Variants in DVL1 observed in about 807,000 individuals in gnomAD.
DVL1 encodes segment polarity protein dishevelled homolog DVL-1.
In DVL1, 49 loss-of-function variants were observed where a neutral mutation model predicts 65.0. The observed-to-expected ratio is 0.75, with a 90% CI of 0.60 to 0.96. DVL1 has a LOEUF of 0.96. Ranked by LOEUF, DVL1 falls within the 40% of genes least tolerant of loss-of-function variation. The pLI, the probability that DVL1 is intolerant of heterozygous loss-of-function variation, is 0.00. For missense variants in DVL1, 1,197 were observed against 1,045.4 expected (o/e 1.15, Z -2.00); for synonymous variants, 608 against 433.9 (o/e 1.40, Z -4.99).
At chr1:1,339,671 A>G (rs1282129039) in intron 9 of DVL1, 22 bp from the exon 10 acceptor site, 1 of 1,612,064 alleles carries the variant, frequency 6.2e-7, no homozygotes, top group Non-Finnish European at 8.5e-7. Flanking sequence ...GTGGTCACAC[A>G]GCAAGGCCCC....
intron 1 of DVL1, among the ~76,000 whole-genome samples, chr1:1,347,632 G>A (rs528188817): frequency 6.6e-6 from 1 of 152,178 alleles, no homozygotes; most frequent in Non-Finnish European, 1.5e-5. Flanking sequence ...AAAAACAAAA[G>A]TACCTGACAC....
chr1:1,339,650 C>G lies in DVL1; in HGVS notation c.987-1G>C. 1 of 1,611,316 alleles carries G rather than the reference C, an allele frequency of 6.2e-7. No individual in the cohort carries two copies. Among genetic ancestry groups the G allele is most frequent in the Non-Finnish European group, 8.5e-7 (1 of 1,178,792 alleles). On this transcript the variant is annotated splice_acceptor_variant, in intron 9 of 14. Coordinates refer to ENST00000378888, the MANE Select transcript of DVL1 (RefSeq NM_001330311.2). LOFTEE classifies it high-confidence loss of function. The stretch of plus-strand genomic sequence containing the variant: ...CTTGGCCACAGTGAGGCTGATGGGC[C>G]TGCAGGAACGGTGGTCACACAGCAA...
At chr1:1,346,116 G>T (rs982234865) in intron 1 of DVL1, among the ~76,000 whole-genome samples, 5 of 152,150 alleles carry the variant, frequency 3.3e-5, no homozygotes, top group Admixed American at 2.6e-4. Context: ...AAGTGGCACA[G>T]CCAGGGAGGG....
intron 5 of DVL1, among the ~76,000 whole-genome samples, chr1:1,341,095 A>G (rs1057116556): frequency 6.8e-6 from 1 of 147,016 alleles, no homozygotes; most frequent in Non-Finnish European, 1.5e-5. Context: ...ACACAGGCAC[A>G]CCTGCACACA....
At chr1:1,343,861 G>A (rs1280170778) in intron 1 of DVL1, among the ~76,000 whole-genome samples, 1 of 152,234 alleles carries the variant, frequency 6.6e-6, no homozygotes, top group Admixed American at 6.5e-5. Flanking sequence ...AGCAGGGGAT[G>A]CGGAGCCGGC....
chr1:1,335,436 G>C lies in DVL1; in HGVS notation c.*706C>G, dbSNP rs1174168234. 6.5e-6 allele frequency: 1 copy of C among 153,676 alleles called. No homozygotes were observed. Among genetic ancestry groups the C allele is most frequent in the East Asian group, 1.9e-4 (1 of 5,202 alleles). 9.5% of individuals were successfully genotyped at this position (153,676 alleles called of 1,614,324 possible). On this transcript the variant is annotated 3_prime_UTR_variant, in exon 15 of 15. Coordinates refer to ENST00000378888, the MANE Select transcript of DVL1 (RefSeq NM_001330311.2). The stretch of plus-strand genomic sequence containing the variant: ...AGGAAGGCCGCGATGTGTGCGCGCA[G>C]TGTGTGCACTCACCAAGGACGGGCC...
Position 1,336,003 on chromosome 1 carries a change from A to G in DVL1, c.*139T>C. The G allele has an allele frequency of 8.5e-7, 1 of 1,180,896 alleles. No homozygotes were observed. Among genetic ancestry groups the G allele is most frequent in the Non-Finnish European group, 1.2e-6 (1 of 856,076 alleles). The allele number at this position is 1,180,896 out of a possible 1,614,324, so 73.2% of individuals were successfully genotyped here. ...CAGGAGCTGGAGCAGCCAGGCTGCC[A>G]GGGCAGATGGTGGTGGTCCAGCCTG... On this transcript the variant is annotated 3_prime_UTR_variant, in exon 15 of 15. Transcript: ENST00000378888.
At position 1,338,322 on chromosome 1, in the gene DVL1, T is replaced by G. The variant is rs780909370; in HGVS notation, c.1454A>C (p.Asn485Thr). The G allele has an allele frequency of 6.2e-7, 1 of 1,612,352 alleles. No homozygotes were observed. Among genetic ancestry groups the G allele is most frequent in the Non-Finnish European group, 8.5e-7 (1 of 1,179,700 alleles). ...LKHGFLRHTV[N>T]KITFSEQCYY... ...GCACTGCTCGGAGAAGGTGATCTTG[T>G]TGACCGTGTGCCGCAGGAAGCCGTG... Residue 485 changes from asparagine to threonine, a missense_variant, in exon 13 of 15, where the codon AAC becomes ACC. Transcript: ENST00000378888.
intron 1 of DVL1, among the ~76,000 whole-genome samples, chr1:1,344,300 G>A (rs931599724): frequency 1.3e-5 from 2 of 152,206 alleles, no homozygotes; most frequent in African/African-American, 4.8e-5. Context: ...CGGCCTTGTG[G>A]CTGCTAGTCC....
rs752206428 is a variant in DVL1 at position 1,340,427 on chromosome 1, G to A, written c.682C>T (p.Leu228Phe). ...KHKRRRRKQR[L>F]RQADRASSFS... ...CTGCCTACCCGGTCCGCCTGCCGAA[G>A]GCGCTGCTTCCTCCGCCGGCGTTTG... is the stretch of plus-strand genomic sequence containing the variant. Residue 228 changes from leucine (L) to phenylalanine (F), a missense_variant, in exon 6 of 15, where the codon CTT (leucine) becomes TTT (phenylalanine). Transcript: ENST00000378888. 2 of 1,612,654 alleles carry A rather than the reference G, an allele frequency of 1.2e-6. No individual in the cohort carries two copies. The highest frequency in any genetic ancestry group is 1.7e-6 in the Non-Finnish European group (2 of 1,179,554).
chr1:1,339,485 G>T, intron 10 of DVL1, 46 bp from the exon 11 acceptor site: 1 of 1,543,662 alleles, frequency 6.5e-7, no homozygotes, highest in Non-Finnish European at 8.7e-7. Context: ...GATGGACAGG[G>T]TGGGAGGGCA....
At chr1:1,338,229 T>G in intron 13 of DVL1, 40 bp downstream of exon 13, 15 of 1,522,204 alleles carry the variant, frequency 9.9e-6, no homozygotes, top group Non-Finnish European at 1.3e-5. Flanking sequence ...CCTCCGGCGT[T>G]CCCCTCCCCC....
chr1:1,339,237 C>T lies in DVL1; in HGVS notation c.1207+50G>A, dbSNP rs747065422. The stretch of plus-strand genomic sequence containing the variant: ...GCCATGCTGGAGGCTGGCAGAGACG[C>T]CCCCTCCAAGCCTCGGTTTCTGCTG... On this transcript the variant is annotated intron_variant, in intron 11 of 14. Transcript: ENST00000378888. 9.1e-6 allele frequency: 14 copies of T among 1,546,754 alleles called. No individual in the cohort carries two copies. In the South Asian group the frequency reaches 1.3e-4, roughly 14 times the overall value.
chr1:1,339,333 C>T lies in DVL1; in HGVS notation c.1161G>A (p.Thr387=), dbSNP rs895740505. 3.7e-5 allele frequency: 58 copies of T among 1,548,516 alleles called. 1 individual carries two copies. The highest frequency in any genetic ancestry group is 4.3e-5 in the Non-Finnish European group (49 of 1,146,900). Reference sequence around the variant, plus strand: ...TGGTTAGTGAGGAGGAGCTGGTGCGCGTGACGGCGCTGGAGCAGGGACTCG... The same window carrying T: ...TGGTTAGTGAGGAGGAGCTGGTGCGTGTGACGGCGCTGGAGCAGGGACTCG... The part of the protein sequence containing the change: ...YGTSPCSSAV[T]RTSSSSLTSS... Residue 387 remains threonine, a synonymous_variant, in exon 11 of 15, where the codon ACG becomes ACA. Coordinates refer to ENST00000378888, the MANE Select transcript of DVL1 (RefSeq NM_001330311.2).
chr1:1,349,031 T>A lies in DVL1; in HGVS notation c.35A>T (p.Glu12Val). 1.3e-6 allele frequency: 2 copies of A among 1,560,344 alleles called. No homozygotes were observed. The highest frequency in any genetic ancestry group is 1.7e-6 in the Non-Finnish European group (2 of 1,150,114). Residue 12 changes from glutamate to valine, a missense_variant, in exon 1 of 15, where the codon GAG (glutamate) becomes GTG (valine). Transcript: ENST00000378888. This position sits in a 1 kb window ranked among gnomAD's most constrained non-coding sequence, Gnocchi z 4.1. ...AETKIIYHMD[E>V]EETPYLVKLP... The stretch of plus-strand genomic sequence containing the variant: ...CTTGACCAGGTACGGCGTCTCCTCC[T>A]CGTCCATGTGGTAGATAATCTTGGT...
chr1:1,342,613 AC>A, intron 2 of DVL1, 75 bp downstream of exon 2: 2 of 1,588,016 alleles, frequency 1.3e-6, no homozygotes, highest in Non-Finnish European at 1.7e-6. Flanking sequence ...CCCCACACCC[AC>A]CGCCTCCCCC....
At chr1:1,342,312 C>T (rs1342981879) in intron 3 of DVL1, 51 bp downstream of exon 3, 2 of 1,519,192 alleles carry the variant, frequency 1.3e-6, no homozygotes, top group South Asian at 1.2e-5. Context: ...TGGCCAGCAA[C>T]CCCCATGACA....
Position 1,342,906 on chromosome 1 carries a change from C to A in DVL1, c.171-148G>T, listed in dbSNP as rs1438634254. ...AGCGCATTCTCCTCTTGGGAACCGTCCTTCCTCTCCGTCACATCCTGGGCC... is the reference window on the plus strand; with the variant it reads ...AGCGCATTCTCCTCTTGGGAACCGTACTTCCTCTCCGTCACATCCTGGGCC... On this transcript the variant is annotated intron_variant, in intron 1 of 14. Coordinates refer to ENST00000378888, the MANE Select transcript of DVL1 (RefSeq NM_001330311.2). 4.1e-6 allele frequency: 3 copies of A among 728,602 alleles called. No homozygotes were observed. In the East Asian group the frequency reaches 8.3e-5, roughly 20 times the overall value. The allele number at this position is 728,602 out of a possible 1,614,324, so 45.1% of individuals were successfully genotyped here.
chr1:1,338,022 C>G lies in DVL1; in HGVS notation c.1669G>C (p.Gly557Arg), dbSNP rs144724672. ...GTGCTGCCGCTGCCATAGCTAAAGCCCGGGTCCTGGTAGGCAGGCGGGAAG... is the reference window on the plus strand; with the variant it reads ...GTGCTGCCGCTGCCATAGCTAAAGCGCGGGTCCTGGTAGGCAGGCGGGAAG... Reference protein sequence around the residue: ...PCFPPAYQDPGFSYGSGSTGS... With the variant: ...PCFPPAYQDPRFSYGSGSTGS... Residue 557 changes from glycine (G) to arginine (R), a missense_variant, in exon 14 of 15, where the codon GGC (glycine) becomes CGC (arginine). By Grantham distance (125) the Gly-to-Arg change is moderately radical. Transcript: ENST00000378888. The G allele has an allele frequency of 6.2e-7, 1 of 1,611,988 alleles. No individual in the cohort carries two copies. The highest frequency in any genetic ancestry group is 1.3e-5 in the African/African-American group (1 of 74,998).
Sources: gnomAD v4.1 joint callset for allele counts (sites outside exome capture counted in the v4.1 genomes callset) on GRCh38, gnomAD v4.1.1 for gene constraint, Gnocchi (gnomAD v3.1) non-coding constraint, MANE v1.5 for transcripts, NCBI Gene and HGNC (gene_info 2026-07-23, HGNC 2026-07-21) for gene names.